The following SBF2 variants were observed in gnomAD, a reference collection of about 807,000 sequenced individuals.
SBF2 encodes the protein myotubularin-related protein 13.
SBF2 carries 112 observed loss-of-function variants against 225.2 expected under a neutral mutation model. The observed-to-expected ratio is 0.50, with a 90% CI of 0.43 to 0.58. The LOEUF (loss-of-function observed/expected upper bound fraction) is 0.58. SBF2 is among the 20% of genes least tolerant of loss of function. The pLI, the probability that SBF2 is intolerant of heterozygous loss-of-function variation, is 0.00. For synonymous variants in SBF2, 763 were observed against 773.3 expected, an observed-to-expected ratio of 0.99 and a Z score of 0.22; for missense variants, 1,996 against 2,206.2, an observed-to-expected ratio of 0.90 and a Z score of 1.91.
At chr11:9,882,533 G>A (rs1181141991) in intron 17 of SBF2, among the ~76,000 whole-genome samples, 5 of 152,112 alleles carry the variant, frequency 3.3e-5, no homozygotes, top group Non-Finnish European at 5.9e-5. Flanking sequence ...TCTCGGCCGG[G>A]CATGGTGGCT....
intron 6 of SBF2, among the ~76,000 whole-genome samples, chr11:10,013,327 T>TGG (rs1315489264): frequency 4.6e-5 from 7 of 152,212 alleles, no homozygotes; most frequent in Admixed American, 3.9e-4. Flanking sequence ...GTAGCAAAGC[T>TGG]GGTTTTCTAC....
chr11:9,997,879 G>A (rs76705747), intron 9 of SBF2, among the ~76,000 whole-genome samples: 1 of 152,190 alleles, frequency 6.6e-6, no homozygotes, highest in Non-Finnish European at 1.5e-5. Context: ...TGTTTTGTAG[G>A]TACCAAAGAG....
At chr11:10,301,701 A>G (rs1018468070) in intron 1 of SBF2, among the ~76,000 whole-genome samples, 3 of 152,236 alleles carry the variant, frequency 2.0e-5, no homozygotes, top group African/African-American at 7.2e-5. Flanking sequence ...CTCTGGCTTT[A>G]AGAACTGTGT....
intron 17 of SBF2, among the ~76,000 whole-genome samples, chr11:9,894,242 G>T (rs1361322582): frequency 6.6e-6 from 1 of 152,210 alleles, no homozygotes; most frequent in African/African-American, 2.4e-5. Context: ...AAATCTGCTG[G>T]ACATGGTGGT....
chr11:10,031,312 A>C (rs1949247980), intron 3 of SBF2, 142 bp from the exon 4 acceptor site: 3 of 790,362 alleles, frequency 3.8e-6, no homozygotes, highest in Non-Finnish European at 5.7e-6. Flanking sequence ...ACTACAAATA[A>C]AGAATAGACT....
intron 2 of SBF2, among the ~76,000 whole-genome samples, chr11:10,184,448 A>C (rs1178737506): frequency 6.6e-6 from 1 of 152,226 alleles, no homozygotes; most frequent in Admixed American, 6.5e-5. Context: ...TGTTTTAAAA[A>C]GTTAACTACA....
chr11:9,879,847 G>A (rs1490964754), intron 17 of SBF2, among the ~76,000 whole-genome samples: 1 of 151,978 alleles, frequency 6.6e-6, no homozygotes, highest in Admixed American at 6.6e-5. Flanking sequence ...ACTTTGGGAG[G>A]CCAAGATGGG....
rs60141937 is a variant in SBF2, at chr11:10,273,071, G to GA, written c.55+20943dup. Among the ~76,000 whole-genome samples the GA allele has an allele frequency of 1.8e-3, 260 of 148,048 alleles. 2 individuals carry two copies. The highest frequency in any genetic ancestry group is 2.1e-3 in the African/African-American group (84 of 39,240). ...GGTGACAGAGTGAGACTCCGTCTCCGAAAAAAAAAATAAATAAATAAATAA... is the reference window on the plus strand; with the variant it reads ...GGTGACAGAGTGAGACTCCGTCTCCGAAAAAAAAAAATAAATAAATAAATAA... On this transcript the variant is annotated intron_variant, in intron 1 of 39. Coordinates refer to ENST00000256190, the MANE Select transcript of SBF2 (RefSeq NM_030962.4).
rs571800262 is a variant in SBF2, at chr11:9,953,355, A to G, written c.1860+8602T>C. ...GCTACTCGGGAGGCTGAGGCAGAGA[A>G]TTGCTTAAACCTGGGAGGCAGAGGT... On this transcript the variant is annotated intron_variant, in intron 16 of 39. Coordinates refer to ENST00000256190, the MANE Select transcript of SBF2 (RefSeq NM_030962.4). 7.2e-5 allele frequency among the ~76,000 whole-genome samples: 11 copies of G among 152,056 alleles called. No individual in the cohort carries two copies. The South Asian group carries it at 2.1e-3, about 29-fold the overall frequency.
intron 21 of SBF2, 107 bp downstream of exon 21, chr11:9,852,569 T>C: frequency 1.2e-6 from 1 of 810,520 alleles, no homozygotes; most frequent in Non-Finnish European, 2.2e-6. Context: ...AAACTGGAGT[T>C]AGTGTCTGTC....
At chr11:10,106,277 G>GAAAAT in intron 2 of SBF2, among the ~76,000 whole-genome samples, 1 of 152,040 alleles carries the variant, frequency 6.6e-6, no homozygotes, top group Non-Finnish European at 1.5e-5. Flanking sequence ...ATAAAGAAAA[G>GAAAAT]ACAGGGAAAA....
At chr11:9,790,894 A>G (rs1023909798) in intron 33 of SBF2, 3 of 451,752 alleles carry the variant, frequency 6.6e-6, no homozygotes, top group African/African-American at 2.0e-5. Context: ...TGGAGGAAAC[A>G]TCTGATAAAG....
chr11:10,066,071 A>AAAAC (rs1830717461), intron 2 of SBF2, among the ~76,000 whole-genome samples: 1 of 152,178 alleles, frequency 6.6e-6, no homozygotes, highest in African/African-American at 2.4e-5. Flanking sequence ...AACTTTCCAC[A>AAAAC]AAAACAAAAA....
intron 2 of SBF2, among the ~76,000 whole-genome samples, chr11:10,153,500 A>T (rs547057708): frequency 6.6e-6 from 1 of 152,296 alleles, no homozygotes; most frequent in Admixed American, 6.5e-5. Context: ...ACAATTTAAT[A>T]AAGTTTGTGA....
chr11:10,156,408 G>GA (rs1486344304), intron 2 of SBF2, among the ~76,000 whole-genome samples: 1 of 152,232 alleles, frequency 6.6e-6, no homozygotes, highest in Non-Finnish European at 1.5e-5. Context: ...GTGGAAGACA[G>GA]AAAGGTTACC....
At chr11:9,974,262 G>A (rs1946577575) in intron 13 of SBF2, among the ~76,000 whole-genome samples, 1 of 152,112 alleles carries the variant, frequency 6.6e-6, no homozygotes, top group Admixed American at 6.6e-5. Flanking sequence ...CTCAACCTAT[G>A]CACTAATTGA....
chr11:10,130,311 G>A (rs1435207212), intron 2 of SBF2, among the ~76,000 whole-genome samples: 3 of 148,722 alleles, frequency 2.0e-5, no homozygotes, highest in Non-Finnish European at 3.0e-5. Flanking sequence ...GCAGTGAGCC[G>A]AGATCGCACC....
In SBF2 at chr11:10,098,997, T is replaced by C. The variant is rs141916660; in HGVS notation, c.142-56016A>G. Among the ~76,000 whole-genome samples, 117 of 151,866 alleles carry C rather than the reference T, an allele frequency of 7.7e-4. 1 individual carries two copies. The highest frequency in any genetic ancestry group is 1.5e-3 in the Non-Finnish European group (102 of 67,928). ...GGACAAAATGAACCAAACCAAAATA[T>C]GCATGATAGAAGTCCCAGAAAAAGA... is the stretch of plus-strand genomic sequence containing the variant. On this transcript the variant is annotated intron_variant, in intron 2 of 39. Coordinates refer to ENST00000256190, the MANE Select transcript of SBF2 (RefSeq NM_030962.4).
Position 9,961,993 on chromosome 11 carries a change from A to T in SBF2, c.1824T>A (p.Phe608Leu). 1 of 1,614,076 alleles carries T rather than the reference A, an allele frequency of 6.2e-7. No homozygotes were observed. The highest frequency in any genetic ancestry group is 8.5e-7 in the Non-Finnish European group (1 of 1,179,920). Residue 608 changes from phenylalanine (F) to leucine (L), a missense_variant, in exon 16 of 40, where the codon TTT becomes TTA. Coordinates refer to ENST00000256190, the MANE Select transcript of SBF2 (RefSeq NM_030962.4). The part of the protein sequence containing the change: ...QNRAILDHQQ[F>L]DYIIRMMNCT... The stretch of plus-strand genomic sequence containing the variant: ...AATTCATCATCCTTATTATGTAGTC[A>T]AACTGTTGATGGTCTAATATTGCCC...
Sources: allele counts gnomAD v4.1 joint callset (sites outside exome capture counted in the v4.1 genomes callset), GRCh38; gene constraint gnomAD v4.1.1; transcripts MANE v1.5; gene names NCBI Gene and HGNC (gene_info 2026-07-23, HGNC 2026-07-21).